ZNF451: variants seen among roughly 807,000 people sequenced by gnomAD.
ZNF451 encodes the protein E3 SUMO-protein ligase ZNF451.
In ZNF451, 80 loss-of-function variants were observed where a neutral mutation model predicts 107.1. The ratio of observed to expected loss-of-function variants is 0.75; its 90% CI spans 0.62 to 0.90. The LOEUF is 0.90. Ranked by LOEUF, ZNF451 falls within the 40% of genes least tolerant of loss-of-function variation. The probability of loss-of-function intolerance (pLI) is 0.00; values close to 1 mark genes in which losing one functional copy is unlikely to be tolerated. For synonymous variants in ZNF451, 362 were observed against 406.5 expected, an observed-to-expected ratio of 0.89 and a Z score of 1.32; for missense variants, 1,107 against 1,236.2, an observed-to-expected ratio of 0.90 and a Z score of 1.57.
At chr6:57,133,593 G>A (rs1288696444) in intron 6 of ZNF451, among the ~76,000 whole-genome samples, 1 of 152,174 alleles carries the variant, frequency 6.6e-6, no homozygotes, top group Non-Finnish European at 1.5e-5. Flanking sequence ...AATGTTAAAA[G>A]CAAACTGATG....
intron 3 of ZNF451, chr6:57,106,209 T>C: frequency 3.0e-6 from 3 of 985,458 alleles, no homozygotes; most frequent in Non-Finnish European, 3.6e-6. Flanking sequence ...ACATTCATTA[T>C]TCTTGAAGAT....
At chr6:57,123,155 G>A (rs1830725428) in intron 3 of ZNF451, among the ~76,000 whole-genome samples, 1 of 152,152 alleles carries the variant, frequency 6.6e-6, no homozygotes, top group African/African-American at 2.4e-5. Context: ...GTGGTGAAAT[G>A]AGACCCTGTT....
intron 3 of ZNF451, chr6:57,101,234 GGGTGACATTACAAT>G: frequency 6.4e-7 from 1 of 1,551,052 alleles, no homozygotes; most frequent in Non-Finnish European, 8.7e-7. Flanking sequence ...GTTATAAAAA[GGGTGACATTACAAT>G]CTGAAGCGGA....
intron 13 of ZNF451, among the ~76,000 whole-genome samples, chr6:57,157,204 A>C (rs1187153469): frequency 6.6e-6 from 1 of 152,220 alleles, no homozygotes; most frequent in Non-Finnish European, 1.5e-5. Flanking sequence ...ATTTACCATC[A>C]GCAGGACTAA....
Position 57,147,876 on chromosome 6 carries a change from G to A in ZNF451, c.1791G>A (p.Pro597=), listed in dbSNP as rs374605651. The change falls in exon 10 of 15, where the codon CCG becomes CCA. Residue 597 remains proline (P), a synonymous_variant. Coordinates refer to ENST00000370706, the MANE Select transcript of ZNF451 (RefSeq NM_001031623.3). ...SSAITVIDHS[P]ANSSPRGKWQ... Reference sequence around the variant, plus strand: ...CTATTACTGTTATTGATCATTCCCCGGCAAATAGTTCTCCGAGGGGTAAAT... The same window carrying A: ...CTATTACTGTTATTGATCATTCCCCAGCAAATAGTTCTCCGAGGGGTAAAT... The A allele has an allele frequency of 5.6e-5, 90 of 1,613,890 alleles. No individual in the cohort carries two copies. The highest frequency in any genetic ancestry group is 1.5e-4 in the Admixed American group (9 of 59,996).
intron 7 of ZNF451, among the ~76,000 whole-genome samples, chr6:57,135,348 A>C (rs1235363301): frequency 6.6e-6 from 1 of 152,200 alleles, no homozygotes; most frequent in East Asian, 1.9e-4. Context: ...GGATATGCAC[A>C]TCCATGTAAT....
chr6:57,094,310 A>AT (rs1234682294), intron 2 of ZNF451, among the ~76,000 whole-genome samples: 1 of 151,740 alleles, frequency 6.6e-6, no homozygotes, highest in Non-Finnish European at 1.5e-5. Flanking sequence ...TTTTTATTTA[A>AT]TTTTTTATTT....
At chr6:57,143,024 G>GT (rs1396313915) in intron 9 of ZNF451, among the ~76,000 whole-genome samples, 1 of 152,018 alleles carries the variant, frequency 6.6e-6, no homozygotes, top group Non-Finnish European at 1.5e-5. Flanking sequence ...AAATTGGATT[G>GT]TTTGCCTTCT....
chr6:57,119,324 C>T lies in ZNF451; in HGVS notation c.187-5410C>T, dbSNP rs551443432. On this transcript the variant is annotated intron_variant, in intron 3 of 14. Transcript: ENST00000370706. ...GGCAGATCACCTTAGGTCAGGAGTT[C>T]GAGACCAGCCTGGCCAACATGGAGA... Among the ~76,000 whole-genome samples the T allele has an allele frequency of 1.6e-4, 24 of 152,206 alleles. 1 individual carries two copies. The South Asian group carries it at 1.9e-3, about 12-fold the overall frequency.
intron 14 of ZNF451, 64 bp from the exon 15 acceptor site, chr6:57,168,359 A>C: frequency 1.7e-6 from 2 of 1,161,516 alleles, no homozygotes; most frequent in African/African-American, 3.1e-5. Flanking sequence ...ATGAAACTTA[A>C]ATAAATACAG....
intron 3 of ZNF451, chr6:57,099,603 CT>C (rs1412611025): frequency 2.9e-6 from 2 of 694,010 alleles, no homozygotes; most frequent in African/African-American, 3.5e-5. Context: ...GGATATATTA[CT>C]TCAGTCATCA....
chr6:57,135,340 A>G (rs979825979), intron 7 of ZNF451, among the ~76,000 whole-genome samples: 3 of 152,190 alleles, frequency 2.0e-5, no homozygotes, highest in African/African-American at 7.2e-5. Flanking sequence ...TGATTCATGG[A>G]TATGCACATC....
At chr6:57,107,110 T>G in intron 3 of ZNF451, 1 of 985,392 alleles carries the variant, frequency 1.0e-6, no homozygotes, top group South Asian at 4.7e-5. Flanking sequence ...TACTGGAAAT[T>G]TTGTTTGCTT....
intron 7 of ZNF451, among the ~76,000 whole-genome samples, chr6:57,137,338 T>C (rs984575232): frequency 1.3e-5 from 2 of 152,158 alleles, no homozygotes; most frequent in Admixed American, 6.5e-5. Context: ...TTTTCCTTGC[T>C]CCCCTCCCCC....
intron 3 of ZNF451, chr6:57,107,040 T>G: frequency 2.1e-6 from 2 of 964,512 alleles, no homozygotes; most frequent in Non-Finnish European, 2.5e-6. Context: ...TCTTTTCATT[T>G]ACTTGTTTTT....
chr6:57,094,005 T>G (rs1233549386), intron 2 of ZNF451, among the ~76,000 whole-genome samples: 1 of 152,258 alleles, frequency 6.6e-6, no homozygotes, highest in Non-Finnish European at 1.5e-5. Context: ...AGATTTATGC[T>G]CAAATCCATA....
intron 11 of ZNF451, chr6:57,151,512 A>G (rs1428288152): frequency 6.6e-6 from 1 of 151,840 alleles, no homozygotes; most frequent in Non-Finnish European, 1.5e-5. Context: ...TATCCCTTTT[A>G]AAATACAAAG....
chr6:57,149,669 TAG>T (rs1187681152), intron 10 of ZNF451, among the ~76,000 whole-genome samples: 1 of 152,246 alleles, frequency 6.6e-6, no homozygotes, highest in African/African-American at 2.4e-5. Context: ...ATTGAATTTT[TAG>T]AGTCTTGCTC....
At chr6:57,114,077 A>G (rs972377849) in intron 3 of ZNF451, among the ~76,000 whole-genome samples, 2 of 152,244 alleles carry the variant, frequency 1.3e-5, no homozygotes, top group Non-Finnish European at 2.9e-5. Context: ...AGTCATATAC[A>G]TTCATCTGAA....
Sources: allele counts gnomAD v4.1 joint callset (sites outside exome capture counted in the v4.1 genomes callset), GRCh38; gene constraint gnomAD v4.1.1; transcripts MANE v1.5; gene names NCBI Gene and HGNC (gene_info 2026-07-23, HGNC 2026-07-21).